Variants in MASP1 observed in about 807,000 individuals in gnomAD.
MASP1 encodes the protein mannan-binding lectin serine protease 1.
In MASP1, 59 loss-of-function variants were observed where a neutral mutation model predicts 77.1. The observed-to-expected ratio is 0.77, with a 90% CI of 0.62 to 0.95. The LOEUF is 0.95. Ranked by LOEUF, MASP1 falls within the 40% of genes least tolerant of loss-of-function variation. The probability of loss-of-function intolerance (pLI) is 0.00; values close to 1 mark genes in which losing one functional copy is unlikely to be tolerated. For missense variants in MASP1, 885 were observed against 912.9 expected (o/e 0.97, Z 0.39); for synonymous variants, 362 against 354.5 (o/e 1.02, Z -0.24).
intron 2 of MASP1, among the ~76,000 whole-genome samples, chr3:187,268,805 G>A (rs566841781): frequency 5.6e-4 from 85 of 152,206 alleles, no homozygotes; most frequent in Middle Eastern, 3.4e-3. Context: ...GGTGGCTTAC[G>A]CCTGTAATCC....
intron 7 of MASP1, chr3:187,251,412 T>TAAAAAAAAAA (rs11454655): frequency 2.4e-6 from 1 of 418,268 alleles, no homozygotes. Context: ...ATGCTCTGAT[T>TAAAAAAAAAA]AAAAAAAAAA....
At chr3:187,252,109 G>A (rs1195867075) in intron 6 of MASP1, among the ~76,000 whole-genome samples, 3 of 152,128 alleles carry the variant, frequency 2.0e-5, no homozygotes, top group Non-Finnish European at 4.4e-5. Context: ...GCCCCACCAG[G>A]TCCAAACCTG....
At chr3:187,225,196 G>T in intron 13 of MASP1, 1 of 1,060,830 alleles carries the variant, frequency 9.4e-7, no homozygotes, top group East Asian at 2.5e-5. Flanking sequence ...CTGTTTGAGG[G>T]GAAGCAGTTG....
intron 2 of MASP1, among the ~76,000 whole-genome samples, chr3:187,283,232 A>G (rs1717580248): frequency 6.6e-6 from 1 of 152,256 alleles, no homozygotes; most frequent in Non-Finnish European, 1.5e-5. Flanking sequence ...CTAGCCAAGA[A>G]AGTCAAGCTT....
chr3:187,254,100 T>C (rs1441383697), intron 5 of MASP1, among the ~76,000 whole-genome samples: 2 of 152,182 alleles, frequency 1.3e-5, no homozygotes, highest in African/African-American at 4.8e-5. Flanking sequence ...ATCTCTGCTG[T>C]CAAAGAACCT....
At position 187,236,042 on chromosome 3, in the gene MASP1, G is replaced by T. The variant is rs781623550; in HGVS notation, c.1829C>A (p.Thr610Lys). The change falls in exon 11 of 11, where the codon ACA becomes AAA. Residue 610 changes from threonine (T) to lysine (K), a missense_variant. Thr to Lys is a moderately conservative substitution (Grantham distance 78). Transcript: ENST00000296280. ...CTGCAGGACATCTGACAAGGTCCGT[G>T]TGCCACTGCTGATGATCTCATCCAC... ...VTVDEIISSG[T>K]RTLSDVLQYV... The T allele has an allele frequency of 1.2e-6, 2 of 1,614,190 alleles. No individual in the cohort carries two copies. Among genetic ancestry groups the T allele is most frequent in the South Asian group, 2.2e-5 (2 of 91,090 alleles).
chr3:187,237,499 CTA>C (rs1713282277), intron 10 of MASP1, among the ~76,000 whole-genome samples: 1 of 152,240 alleles, frequency 6.6e-6, no homozygotes, highest in Non-Finnish European at 1.5e-5. Context: ...GTGGCATAAT[CTA>C]TAAGCAATGA....
chr3:187,262,193 T>G (rs942384426), intron 3 of MASP1, among the ~76,000 whole-genome samples: 4 of 152,208 alleles, frequency 2.6e-5, no homozygotes, highest in African/African-American at 9.7e-5. Context: ...ATTCAACAAA[T>G]GTATACATGA....
At chr3:187,290,591 C>T (rs779108588) in intron 1 of MASP1, among the ~76,000 whole-genome samples, 1 of 152,202 alleles carries the variant, frequency 6.6e-6, no homozygotes, top group Non-Finnish European at 1.5e-5. Flanking sequence ...GGTTATCTCT[C>T]TGAACCACAG....
At chr3:187,287,063 T>G (rs1265492752) in intron 1 of MASP1, among the ~76,000 whole-genome samples, 1 of 152,246 alleles carries the variant, frequency 6.6e-6, no homozygotes, top group Non-Finnish European at 1.5e-5. Context: ...CCTATATGGC[T>G]TATTGCTATA....
Position 187,234,324 on chromosome 3 carries a change from G to T in MASP1, c.*1360C>A. The T allele has an allele frequency of 7.8e-7, 1 of 1,287,248 alleles. No individual in the cohort carries two copies. The highest frequency in any genetic ancestry group is 1.0e-6 in the Non-Finnish European group (1 of 988,702). The allele number at this position is 1,287,248 out of a possible 1,614,324, so 79.7% of individuals were successfully genotyped here. ...TGCTCTGATGGAGATTTTCAGGAGA[G>T]AGAGCTCCAGGGAGAAGGAGAACAA... On this transcript the variant is annotated 3_prime_UTR_variant, in exon 11 of 11. Transcript: ENST00000296280.
At chr3:187,268,532 AAGAAAAGAAAAGAAAAT>A (rs1443399922) in intron 2 of MASP1, among the ~76,000 whole-genome samples, 1 of 141,454 alleles carries the variant, frequency 7.1e-6, no homozygotes, top group African/African-American at 2.6e-5. Flanking sequence ...AAAGAAAGAA[AAGAAAAGAAAAGAAAAT>A]AGAAAAGAAA....
intron 2 of MASP1, among the ~76,000 whole-genome samples, chr3:187,285,241 A>C: frequency 1.3e-5 from 2 of 151,880 alleles, no homozygotes; most frequent in Middle Eastern, 6.8e-3. Context: ...TACTTTTTAC[A>C]TCTACTTCTG....
intron 3 of MASP1, among the ~76,000 whole-genome samples, chr3:187,261,826 G>A (rs1183036483): frequency 6.6e-6 from 1 of 152,158 alleles, no homozygotes; most frequent in Non-Finnish European, 1.5e-5. Context: ...ATTCCAAGTA[G>A]CCGTCAATAA....
At chr3:187,229,659 T>C, downstream of MASP1, 4 of 1,460,074 alleles carry the variant, frequency 2.7e-6, no homozygotes, top group Non-Finnish European at 3.8e-6. Flanking sequence ...TTCTGTGCCC[T>C]GATGCTAGTG....
Position 187,251,676 on chromosome 3 carries a change from G to T in MASP1, c.969C>A (p.Asp323Glu), listed in dbSNP as rs766002258. ...CTGTGTCACAGCTGACGAGCACTTG[G>T]TCTTTGAAGAAATACTTGGCTTGGG... ...EPSQAKYFFK[D>E]QVLVSCDTGY... Residue 323 changes from aspartate (D) to glutamate (E), a missense_variant, in exon 7 of 11, where the codon GAC becomes GAA. By Grantham distance (45) the Asp-to-Glu change is conservative. Transcript: ENST00000296280. The T allele has an allele frequency of 6.2e-7, 1 of 1,614,204 alleles. No individual in the cohort carries two copies. Among genetic ancestry groups the T allele is most frequent in the Admixed American group, 1.7e-5 (1 of 60,028 alleles).
rs572211603 is a variant in MASP1, at chr3:187,236,956, C to T, written c.1304-389G>A. On this transcript the variant is annotated intron_variant, in intron 10 of 10. Coordinates refer to ENST00000296280, the MANE Select transcript of MASP1 (RefSeq NM_139125.4). Reference sequence around the variant, plus strand: ...AGGCAGGTCTTATTTCAGAAGTGGTCCATGCTATGGGAACCTAGAATACTT... The same window carrying T: ...AGGCAGGTCTTATTTCAGAAGTGGTTCATGCTATGGGAACCTAGAATACTT... Among the ~76,000 whole-genome samples the T allele has an allele frequency of 3.9e-5, 6 of 152,330 alleles. No individual in the cohort carries two copies. In the South Asian group the frequency reaches 1.0e-3, roughly 26 times the overall value.
At chr3:187,286,605 T>G (rs552776015) in intron 1 of MASP1, among the ~76,000 whole-genome samples, 301 of 152,342 alleles carry the variant, frequency 2.0e-3, no homozygotes, top group African/African-American at 6.8e-3. Context: ...ATCAAAAACC[T>G]ACAACTTATT....
intron 2 of MASP1, among the ~76,000 whole-genome samples, chr3:187,281,325 C>T (rs577141244): frequency 4.4e-4 from 64 of 146,476 alleles, no homozygotes; most frequent in African/African-American, 1.3e-3. Context: ...CCATCATCAT[C>T]GCCCCTATGG....
Sources: allele counts gnomAD v4.1 joint callset (sites outside exome capture counted in the v4.1 genomes callset), GRCh38; gene constraint gnomAD v4.1.1; transcripts MANE v1.5; gene names NCBI Gene and HGNC (gene_info 2026-07-23, HGNC 2026-07-21).